RNF103: variants seen among roughly 807,000 people sequenced by gnomAD.
RNF103 encodes the protein E3 ubiquitin-protein ligase RNF103.
A neutral mutation model predicts 66.2 loss-of-function variants in RNF103; 23 were observed. The ratio of observed to expected loss-of-function variants is 0.35; its 90% confidence interval spans 0.25 to 0.49. The LOEUF is 0.49. Ranked by LOEUF, RNF103 falls within the 20% of genes least tolerant of loss-of-function variation. The probability of loss-of-function intolerance (pLI) is 0.98; values close to 1 mark genes in which losing one functional copy is unlikely to be tolerated. For synonymous variants in RNF103, 297 were observed against 289.9 expected, an observed-to-expected ratio of 1.02 and a Z score of -0.25; for missense variants, 730 against 814.7, an observed-to-expected ratio of 0.90 and a Z score of 1.27.
At position 86,604,050 on chromosome 2, in the gene RNF103, G is replaced by C; in HGVS notation, c.1851C>G (p.His617Gln). The part of the protein sequence containing the change: ...DWLTWPADML[H>Q]CTECVVCLEN... Reference sequence around the variant, plus strand: ...CTAGGCAAACAACACATTCAGTACAGTGCAGCATATCAGCAGGCCAAGTTA... The same window carrying C: ...CTAGGCAAACAACACATTCAGTACACTGCAGCATATCAGCAGGCCAAGTTA... The change falls in exon 4 of 4, where the codon CAC (histidine) becomes CAG (glutamine). Residue 617 changes from histidine to glutamine, a missense_variant. By Grantham distance (24) the His-to-Gln change is conservative. Around this residue, in one of 3 missense-constraint regions of RNF103, gnomAD observed 355 missense variants for 351.9 expected, o/e 1.01. Transcript: ENST00000237455. 1 of 1,614,064 alleles carries C rather than the reference G, an allele frequency of 6.2e-7. No individual in the cohort carries two copies.
intron 1 of RNF103, among the ~76,000 whole-genome samples, chr2:86,621,265 C>G (rs895625623): frequency 1.3e-5 from 2 of 151,710 alleles, no homozygotes; most frequent in Non-Finnish European, 2.9e-5. Context: ...TTCAATGTGC[C>G]AAGTATTTTT....
intron 2 of RNF103, chr2:86,615,303 T>C (rs1483572693): frequency 5.1e-5 from 42 of 819,350 alleles, no homozygotes; most frequent in Non-Finnish European, 5.7e-5. Flanking sequence ...GAAAGCATTT[T>C]ATATTACTTT....
At chr2:86,621,143 C>A (rs1385550634) in intron 1 of RNF103, among the ~76,000 whole-genome samples, 3 of 152,154 alleles carry the variant, frequency 2.0e-5, no homozygotes, top group Non-Finnish European at 4.4e-5. Flanking sequence ...AAACCATTCA[C>A]AATAAACACT....
chr2:86,622,617 C>T, intron 1 of RNF103, 44 bp downstream of exon 1: 5 of 1,597,064 alleles, frequency 3.1e-6, no homozygotes, highest in Non-Finnish European at 4.3e-6. Context: ...CAGGTCGTCC[C>T]CTCTCCCAGG....
At chr2:86,616,564 C>T (rs1679032234) in intron 2 of RNF103, 15 of 985,270 alleles carry the variant, frequency 1.5e-5, no homozygotes, top group Non-Finnish European at 1.8e-5. Context: ...AATTTAGAAT[C>T]TCCTCGAACA....
rs1342723721 is a variant in RNF103 at position 86,603,977 on chromosome 2, C to G, written c.1924G>C (p.Val642Leu). 6.2e-7 allele frequency: 1 copy of G among 1,614,012 alleles called. No individual in the cohort carries two copies. Among genetic ancestry groups the G allele is most frequent in the Middle Eastern group, 1.6e-4 (1 of 6,084 alleles). The change falls in exon 4 of 4, where the codon GTG (valine) becomes CTG (leucine). Residue 642 changes from valine (V) to leucine (L), a missense_variant. By Grantham distance (32) the Val-to-Leu change is conservative. Coordinates refer to ENST00000237455, the MANE Select transcript of RNF103 (RefSeq NM_005667.4). ...ATCACAATGCAATTCTGATGAAACA[C>G]ATGACCACAAGGCAACCCCATTAGC... ...CLLMGLPCGH[V>L]FHQNCIVMWL...
chr2:86,605,099 C>T lies in RNF103; in HGVS notation c.802G>A (p.Val268Ile), dbSNP rs1198411817. The T allele has an allele frequency of 8.1e-6, 13 of 1,613,834 alleles. No homozygotes were observed. The highest frequency in any genetic ancestry group is 1.1e-5 in the Non-Finnish European group (13 of 1,179,992). Residue 268 changes from valine (V) to isoleucine (I), a missense_variant, in exon 4 of 4, where the codon GTA becomes ATA. Transcript: ENST00000237455. ...TAACTCTTGTTGTCCCAATTTTCTACATTAACAAAAATAAACTCAACTCTT... is the reference window on the plus strand; with the variant it reads ...TAACTCTTGTTGTCCCAATTTTCTATATTAACAAAAATAAACTCAACTCTT... ...TGRVEFIFVN[V>I]ENWDNKSYMT... is the part of the protein sequence containing the mutation.
chr2:86,610,867 A>G (rs143660674), intron 3 of RNF103, among the ~76,000 whole-genome samples: 349 of 152,294 alleles, frequency 2.3e-3, no homozygotes, highest in African/African-American at 7.7e-3. Flanking sequence ...TCTTTGGTAA[A>G]TGACGAATGG....
chr2:86,606,440 A>T (rs759968214), intron 3 of RNF103, among the ~76,000 whole-genome samples: 13 of 152,054 alleles, frequency 8.5e-5, no homozygotes, highest in Admixed American at 3.3e-4. Flanking sequence ...CAAGGTGGGC[A>T]GATCACAAAG....
chr2:86,616,943 T>C, intron 2 of RNF103: 1 of 985,408 alleles, frequency 1.0e-6, no homozygotes, highest in African/African-American at 1.7e-5. Context: ...AAAGTAACCA[T>C]CTTCTATTTG....
intron 2 of RNF103, chr2:86,614,790 T>G: frequency 1.0e-6 from 1 of 980,716 alleles, no homozygotes; most frequent in Non-Finnish European, 1.2e-6. Context: ...TTAGGAAGAT[T>G]AAGAAGTATC....
At chr2:86,608,766 C>T (rs1573355769) in intron 3 of RNF103, among the ~76,000 whole-genome samples, 1 of 151,890 alleles carries the variant, frequency 6.6e-6, no homozygotes, top group Admixed American at 6.6e-5. Context: ...CTCTACACAT[C>T]ATTACCACCT....
intron 3 of RNF103, among the ~76,000 whole-genome samples, chr2:86,609,008 G>A (rs1437356674): frequency 6.6e-6 from 1 of 152,176 alleles, no homozygotes; most frequent in African/African-American, 2.4e-5. Context: ...TGGTTTGTCT[G>A]TCCCCACCAA....
At chr2:86,611,915 C>T (rs1212249306) in intron 3 of RNF103, among the ~76,000 whole-genome samples, 1 of 152,004 alleles carries the variant, frequency 6.6e-6, no homozygotes, top group Non-Finnish European at 1.5e-5. Flanking sequence ...AGAAAAAACA[C>T]AGAAGAGCCA....
In RNF103 at chr2:86,603,610, AC is replaced by A. The variant is rs1298536376; in HGVS notation, c.*232del. The A allele has an allele frequency of 1.1e-5, 6 of 526,620 alleles. No individual in the cohort carries two copies. The highest frequency in any genetic ancestry group is 5.9e-5 in the African/African-American group (3 of 51,184). 32.6% of individuals were successfully genotyped at this position (526,620 alleles called of 1,614,324 possible). A position where few individuals can be genotyped will look rare whatever the true frequency, so the allele number is the denominator to read the frequency against. On this transcript the variant is annotated 3_prime_UTR_variant, in exon 4 of 4. Transcript: ENST00000237455. Reference sequence around the variant, plus strand: ...ATACTTCTTTTGTGCTTACAAAAAAACATTAACTTCTGAATTTCCAATGTTG... The same window carrying A: ...ATACTTCTTTTGTGCTTACAAAAAAAATTAACTTCTGAATTTCCAATGTTG...
intron 3 of RNF103, among the ~76,000 whole-genome samples, chr2:86,606,535 T>G (rs1395907662): frequency 6.6e-6 from 1 of 151,818 alleles, no homozygotes; most frequent in South Asian, 2.1e-4. Flanking sequence ...TGGCAACGCG[T>G]GCCTGTAATC....
At chr2:86,606,673 A>G (rs1808811) in intron 3 of RNF103, among the ~76,000 whole-genome samples, 30 of 102,588 alleles carry the variant, frequency 2.9e-4, no homozygotes, top group South Asian at 6.5e-4. Context: ...AAAAAAAAAA[A>G]AAAAAAAAAA....
At position 86,611,010 on chromosome 2, in the gene RNF103, CA is replaced by C. The variant is rs36001734; in HGVS notation, c.482+1148del. Among the ~76,000 whole-genome samples, 1,219 of 129,626 alleles carry C rather than the reference CA, an allele frequency of 9.4e-3. 14 individuals are homozygous for C. Among genetic ancestry groups the C allele is most frequent in the African/African-American group, 0.03 (1,052 of 34,640 alleles). The allele number at this position is 129,626 out of a possible 152,430, so 85.0% of individuals were successfully genotyped here. On this transcript the variant is annotated intron_variant, in intron 3 of 3. Coordinates refer to ENST00000237455, the MANE Select transcript of RNF103 (RefSeq NM_005667.4). ...GCAACATAGCAAGACTCCATCTCTACAAAAAAAAAAAAAAAATTAGCCAGGT... is the reference window on the plus strand; with the variant it reads ...GCAACATAGCAAGACTCCATCTCTACAAAAAAAAAAAAAAATTAGCCAGGT...
chr2:86,606,531 C>T (rs112054902), intron 3 of RNF103, among the ~76,000 whole-genome samples: 9 of 151,808 alleles, frequency 5.9e-5, no homozygotes, highest in South Asian at 2.1e-4. Context: ...GGCATGGCAA[C>T]GCGTGCCTGT....
Sources: allele counts gnomAD v4.1 joint callset (sites outside exome capture counted in the v4.1 genomes callset), GRCh38; gene constraint gnomAD v4.1.1; regional missense constraint gnomAD v4.1.1; transcripts MANE v1.5; gene names NCBI Gene and HGNC (gene_info 2026-07-23, HGNC 2026-07-21).